COLEC12: variants seen among roughly 807,000 people sequenced by gnomAD.
COLEC12 encodes collectin subfamily member 12.
A neutral mutation model predicts 71.1 loss-of-function variants in COLEC12; 33 were observed. The ratio of observed to expected loss-of-function variants is 0.46; its 90% CI spans 0.35 to 0.62. COLEC12 has a LOEUF of 0.62. Among genes scored for constraint, COLEC12 ranks in the 20% least tolerant of loss-of-function variants. The pLI is 0.00. For synonymous variants in COLEC12, 350 were observed against 353.0 expected (o/e 0.99, Z 0.10); for missense variants, 765 against 916.1 (o/e 0.84, Z 2.13).
At chr18:356,809 C>A (rs1311362217) in intron 3 of COLEC12, among the ~76,000 whole-genome samples, 4 of 152,172 alleles carry the variant, frequency 2.6e-5, no homozygotes, top group African/African-American at 9.7e-5. Context: ...CCTGCCCTTA[C>A]CCTAAACCAG....
At chr18:334,609 C>T (rs998012735) in intron 6 of COLEC12, 133 bp downstream of exon 6, 3 of 726,472 alleles carry the variant, frequency 4.1e-6, no homozygotes, top group Non-Finnish European at 4.0e-6. Flanking sequence ...GCCTGGGCAA[C>T]AGAGTGAGAC....
intron 2 of COLEC12, among the ~76,000 whole-genome samples, chr18:364,942 T>C (rs11877353): frequency 0.047 from 7,223 of 152,184 alleles, 621 homozygotes; most frequent in African/African-American, 0.17. Context: ...AGCTGGGAGT[T>C]GAACCCAAAT....
At chr18:432,967 G>A (rs368243418) in intron 2 of COLEC12, among the ~76,000 whole-genome samples, 25 of 152,186 alleles carry the variant, frequency 1.6e-4, no homozygotes, top group African/African-American at 3.9e-4. Flanking sequence ...TATTGTGCCC[G>A]TTACTCCACC....
At chr18:397,375 C>T (rs1432105466) in intron 2 of COLEC12, among the ~76,000 whole-genome samples, 1 of 152,160 alleles carries the variant, frequency 6.6e-6, no homozygotes, top group Non-Finnish European at 1.5e-5. Context: ...CTACACAGGC[C>T]ATTATCATTA....
intron 2 of COLEC12, among the ~76,000 whole-genome samples, chr18:407,585 C>T (rs1915815172): frequency 6.6e-6 from 1 of 152,204 alleles, no homozygotes; most frequent in Admixed American, 6.5e-5. Context: ...AAGAATCAGC[C>T]TTTTTGTTTT....
chr18:332,149 G>A (rs960453510), intron 7 of COLEC12, among the ~76,000 whole-genome samples: 3 of 152,228 alleles, frequency 2.0e-5, no homozygotes, highest in Non-Finnish European at 4.4e-5. Context: ...GGCCCCACGT[G>A]CAGTGTGTTG....
At chr18:385,613 G>A (rs767619553) in intron 2 of COLEC12, among the ~76,000 whole-genome samples, 6 of 152,072 alleles carry the variant, frequency 3.9e-5, no homozygotes, top group Non-Finnish European at 8.8e-5. Context: ...ATGAGCCACC[G>A]TGCCTGGCCA....
At chr18:413,603 T>C (rs955638452) in intron 2 of COLEC12, among the ~76,000 whole-genome samples, 2 of 152,210 alleles carry the variant, frequency 1.3e-5, no homozygotes, top group Admixed American at 1.3e-4. Context: ...GCAGGAGAAC[T>C]GTTTGAGGCC....
intron 2 of COLEC12, among the ~76,000 whole-genome samples, chr18:443,714 A>T (rs1344344441): frequency 6.6e-6 from 1 of 152,152 alleles, no homozygotes; most frequent in Non-Finnish European, 1.5e-5. Context: ...GAACGTGCTG[A>T]TATAGTTAGC....
chr18:354,376 G>A (rs897463425), intron 3 of COLEC12, among the ~76,000 whole-genome samples: 4 of 152,240 alleles, frequency 2.6e-5, no homozygotes, highest in Admixed American at 6.5e-5. Context: ...TTGTGGCTAT[G>A]TAAGTGACAT....
chr18:361,844 T>C (rs1272248895), intron 2 of COLEC12, among the ~76,000 whole-genome samples: 2 of 151,984 alleles, frequency 1.3e-5, no homozygotes, highest in Non-Finnish European at 2.9e-5. Flanking sequence ...GATGGGCGGG[T>C]TTATTCCTTT....
chr18:393,099 C>T (rs1289308069), intron 2 of COLEC12, among the ~76,000 whole-genome samples: 2 of 152,220 alleles, frequency 1.3e-5, no homozygotes, highest in African/African-American at 4.8e-5. Context: ...CAAAAAACAG[C>T]AGGCTTAGGC....
At chr18:406,338 T>C (rs531236992) in intron 2 of COLEC12, among the ~76,000 whole-genome samples, 1 of 151,562 alleles carries the variant, frequency 6.6e-6, no homozygotes, top group South Asian at 2.1e-4. Context: ...TGAAACCCCG[T>C]CTCTACTAAA....
intron 1 of COLEC12, among the ~76,000 whole-genome samples, chr18:492,359 A>G (rs1423019248): frequency 6.6e-6 from 1 of 152,174 alleles, no homozygotes; most frequent in East Asian, 1.9e-4. Context: ...AAAACTGAGA[A>G]AGGGTGTTTT....
chr18:412,713 A>G (rs1915916438), intron 2 of COLEC12, among the ~76,000 whole-genome samples: 1 of 152,214 alleles, frequency 6.6e-6, no homozygotes, highest in Non-Finnish European at 1.5e-5. Flanking sequence ...AAGTTTCCGT[A>G]CTTCACTAGA....
intron 2 of COLEC12, among the ~76,000 whole-genome samples, chr18:401,645 C>T (rs1254938529): frequency 6.6e-6 from 1 of 152,230 alleles, no homozygotes; most frequent in Non-Finnish European, 1.5e-5. Context: ...CACAATGCAT[C>T]CTCCTGGTAT....
At chr18:466,264 T>A (rs186094758) in intron 2 of COLEC12, among the ~76,000 whole-genome samples, 5 of 152,070 alleles carry the variant, frequency 3.3e-5, no homozygotes, top group Admixed American at 2.0e-4. Flanking sequence ...AAATAAAAAA[T>A]TTTTAAAAAA....
rs538993182 is a variant in COLEC12 at position 385,682 on chromosome 18, G to A, written c.59-28160C>T. On this transcript the variant is annotated intron_variant, in intron 2 of 9. Coordinates refer to ENST00000400256, the MANE Select transcript of COLEC12 (RefSeq NM_130386.3). The stretch of plus-strand genomic sequence containing the variant: ...GAGATTTTAGTGGCTAATTATTTCC[G>A]TTTTTTCAATTCATGGTATATTTTT... Among the ~76,000 whole-genome samples the A allele has an allele frequency of 5.6e-4, 85 of 152,194 alleles. 2 individuals carry two copies. The South Asian group carries it at 0.015, about 27-fold the overall frequency.
At chr18:483,762 C>A (rs1211119345) in intron 1 of COLEC12, among the ~76,000 whole-genome samples, 1 of 152,196 alleles carries the variant, frequency 6.6e-6, no homozygotes, top group Non-Finnish European at 1.5e-5. Flanking sequence ...ATGGCTGCAG[C>A]CTCGTCTATT....
Sources: gnomAD v4.1 joint callset for allele counts (sites outside exome capture counted in the v4.1 genomes callset) on GRCh38, gnomAD v4.1.1 for gene constraint, MANE v1.5 for transcripts, NCBI Gene and HGNC (gene_info 2026-07-23, HGNC 2026-07-21) for gene names.